CHRM3: variants seen among roughly 807,000 people sequenced by gnomAD.
CHRM3 encodes muscarinic acetylcholine receptor M3.
CHRM3 carries 11 observed loss-of-function variants against 41.8 expected under a neutral mutation model. That is an observed-to-expected ratio of 0.26 (90% CI 0.17 to 0.44). The LOEUF (loss-of-function observed/expected upper bound fraction) is 0.44. CHRM3 is among the 20% of genes least tolerant of loss of function. The pLI, the probability that CHRM3 is intolerant of heterozygous loss-of-function variation, is 1.00. For synonymous variants in CHRM3, 297 were observed against 301.4 expected, an observed-to-expected ratio of 0.99 and a Z score of 0.15; for missense variants, 571 against 745.4, an observed-to-expected ratio of 0.77 and a Z score of 2.72.
In CHRM3 at chr1:239,897,066, G is replaced by A. The variant is rs1679064098; in HGVS notation, c.-19-10367G>A. On this transcript the variant is annotated intron_variant, in intron 6 of 6. Transcript: ENST00000676153. ...TCCTCATTTTGTAGATGAGGATGTA[G>A]GATCAGAGTGCCTAGGCAATGTGCC... Among the ~76,000 whole-genome samples the A allele has an allele frequency of 3.9e-5, 6 of 152,298 alleles. No homozygotes were observed. The South Asian group carries it at 1.0e-3, about 26-fold the overall frequency.
intron 5 of CHRM3, among the ~76,000 whole-genome samples, chr1:239,760,168 G>C (rs968713078): frequency 6.6e-6 from 1 of 150,694 alleles, no homozygotes; most frequent in South Asian, 2.1e-4. Context: ...CTCGTGATCC[G>C]CCCACCTCGG....
At chr1:239,788,273 T>C (rs1669068627) in intron 5 of CHRM3, among the ~76,000 whole-genome samples, 1 of 152,012 alleles carries the variant, frequency 6.6e-6, no homozygotes, top group Non-Finnish European at 1.5e-5. Flanking sequence ...AAAAATAGTT[T>C]TGTTTTTCTT....
At chr1:239,846,418 A>G (rs1370378133) in intron 6 of CHRM3, among the ~76,000 whole-genome samples, 1 of 152,192 alleles carries the variant, frequency 6.6e-6, no homozygotes, top group Middle Eastern at 3.2e-3. Context: ...TCGAAATTCA[A>G]TCAAACTAAT....
At chr1:239,842,614 G>T (rs1673909753) in intron 6 of CHRM3, among the ~76,000 whole-genome samples, 1 of 152,032 alleles carries the variant, frequency 6.6e-6, no homozygotes, top group Admixed American at 6.6e-5. Flanking sequence ...CATTAGAAGA[G>T]AACCATATAC....
At chr1:239,566,480 A>T (rs1661372589) in intron 3 of CHRM3, among the ~76,000 whole-genome samples, 1 of 152,174 alleles carries the variant, frequency 6.6e-6, no homozygotes, top group Non-Finnish European at 1.5e-5. Context: ...TTGTTATTAA[A>T]ACACATTATA....
intron 1 of CHRM3, among the ~76,000 whole-genome samples, chr1:239,477,149 T>C (rs1666520890): frequency 6.6e-6 from 1 of 152,224 alleles, no homozygotes; most frequent in Non-Finnish European, 1.5e-5. Context: ...TGAATTAAAT[T>C]AGTGCTTCTT....
intron 5 of CHRM3, among the ~76,000 whole-genome samples, chr1:239,817,195 C>A (rs567464318): frequency 6.6e-6 from 1 of 152,206 alleles, no homozygotes; most frequent in African/African-American, 2.4e-5. Context: ...ATACCATTGC[C>A]CTGTGGGGAA....
intron 2 of CHRM3, among the ~76,000 whole-genome samples, chr1:239,506,836 A>G (rs570206450): frequency 2.6e-5 from 4 of 152,250 alleles, no homozygotes; most frequent in Non-Finnish European, 5.9e-5. Flanking sequence ...GACCATGGGA[A>G]CCCACCTCTT....
At chr1:239,891,363 A>G (rs1258140851) in intron 6 of CHRM3, among the ~76,000 whole-genome samples, 2 of 152,150 alleles carry the variant, frequency 1.3e-5, no homozygotes, top group Non-Finnish European at 2.9e-5. Flanking sequence ...TTCCCTCTGA[A>G]TAAATCTTTC....
At chr1:239,456,542 G>T (rs1489939404) in intron 1 of CHRM3, among the ~76,000 whole-genome samples, 4 of 152,160 alleles carry the variant, frequency 2.6e-5, no homozygotes, top group African/African-American at 9.7e-5. Flanking sequence ...TCGGCGTAAT[G>T]ACAGAATCAT....
chr1:239,545,151 A>T (rs952543415), intron 2 of CHRM3, among the ~76,000 whole-genome samples: 22 of 152,354 alleles, frequency 1.4e-4, no homozygotes, highest in African/African-American at 4.6e-4. Context: ...ACATTGAGTT[A>T]CTAGTAAATT....
intron 5 of CHRM3, among the ~76,000 whole-genome samples, chr1:239,801,702 A>G (rs1670228016): frequency 6.6e-6 from 1 of 152,220 alleles, no homozygotes; most frequent in African/African-American, 2.4e-5. Context: ...CTAGGTGAAT[A>G]GTTAATGTGT....
At chr1:239,389,949 T>C (rs1658878838) in intron 1 of CHRM3, among the ~76,000 whole-genome samples, 1 of 152,170 alleles carries the variant, frequency 6.6e-6, no homozygotes, top group African/African-American at 2.4e-5. Flanking sequence ...CCGTGAATCA[T>C]ATGAAGATGG....
At chr1:239,665,573 A>C (rs1202743856) in intron 4 of CHRM3, among the ~76,000 whole-genome samples, 1 of 152,038 alleles carries the variant, frequency 6.6e-6, no homozygotes, top group Non-Finnish European at 1.5e-5. Flanking sequence ...CAGAACTTGC[A>C]GGTTTGTTAC....
chr1:239,861,383 T>C (rs527547242), intron 6 of CHRM3, among the ~76,000 whole-genome samples: 1 of 152,182 alleles, frequency 6.6e-6, no homozygotes, highest in East Asian at 1.9e-4. Context: ...AATTGTGTAT[T>C]AACTAGCAAA....
intron 5 of CHRM3, among the ~76,000 whole-genome samples, chr1:239,710,383 A>G (rs1005564662): frequency 7.9e-5 from 12 of 152,212 alleles, no homozygotes; most frequent in African/African-American, 2.9e-4. Flanking sequence ...AATATTTTGT[A>G]TAATCTTATT....
intron 4 of CHRM3, among the ~76,000 whole-genome samples, chr1:239,644,355 C>G (rs964882841): frequency 6.6e-6 from 1 of 152,136 alleles, no homozygotes; most frequent in African/African-American, 2.4e-5. Context: ...GTCTTCCCAC[C>G]CCTGGCTCTG....
chr1:239,477,390 C>T (rs1027721127), intron 1 of CHRM3, among the ~76,000 whole-genome samples: 6 of 152,096 alleles, frequency 3.9e-5, no homozygotes, highest in African/African-American at 1.2e-4. Context: ...TTTCTAACAA[C>T]GAGAAAAGTC....
rs904233742 is a variant in CHRM3 at position 239,748,207 on chromosome 1, A to T, written c.-147+69919A>T. 4.6e-5 allele frequency among the ~76,000 whole-genome samples: 7 copies of T among 152,250 alleles called. No individual in the cohort carries two copies. The highest frequency in any genetic ancestry group is 7.3e-5 in the Non-Finnish European group (5 of 68,046). On this transcript the variant is annotated intron_variant, in intron 5 of 6. Transcript: ENST00000676153. This position sits in a 1 kb window ranked among gnomAD's most constrained non-coding sequence, Gnocchi z 4.3. ...AGAAGAAAGTGTATACACACCCGTTATCTGCACTAATTGAAGATGTATTGT... is the reference window on the plus strand; with the variant it reads ...AGAAGAAAGTGTATACACACCCGTTTTCTGCACTAATTGAAGATGTATTGT...
Sources: gnomAD v4.1 joint callset for allele counts (sites outside exome capture counted in the v4.1 genomes callset) on GRCh38, gnomAD v4.1.1 for gene constraint, Gnocchi (gnomAD v3.1) non-coding constraint, MANE v1.5 for transcripts, NCBI Gene and HGNC (gene_info 2026-07-23, HGNC 2026-07-21) for gene names.